The following ATRNL1 variants were observed in gnomAD, a reference collection of about 807,000 sequenced individuals.
ATRNL1 encodes attractin like 1.
ATRNL1 carries 95 observed loss-of-function variants against 182.7 expected under a neutral mutation model. The ratio of observed to expected loss-of-function variants is 0.52; its 90% CI spans 0.44 to 0.62. The LOEUF is 0.62. Ranked by LOEUF, ATRNL1 falls within the 20% of genes least tolerant of loss-of-function variation. ATRNL1 has a pLI of 0.00. For missense variants in ATRNL1, 1,471 were observed against 1,679.5 expected (o/e 0.88, Z 2.17); for synonymous variants, 576 against 568.3 (o/e 1.01, Z -0.19).
chr10:115,233,435 C>T (rs550498305), intron 9 of ATRNL1, among the ~76,000 whole-genome samples: 7 of 152,058 alleles, frequency 4.6e-5, no homozygotes, highest in Middle Eastern at 3.4e-3. Flanking sequence ...ACTTTTTTAG[C>T]GTTTTTTAAA....
chr10:115,329,651 T>G (rs537538333), intron 18 of ATRNL1, among the ~76,000 whole-genome samples: 5 of 152,306 alleles, frequency 3.3e-5, no homozygotes, highest in African/African-American at 9.6e-5. Flanking sequence ...TATCTCTTTT[T>G]ATAGTTTTTG....
chr10:115,503,029 G>A (rs940433170), intron 24 of ATRNL1, among the ~76,000 whole-genome samples: 14 of 151,968 alleles, frequency 9.2e-5, no homozygotes, highest in African/African-American at 2.2e-4. Flanking sequence ...ATCTTTTACC[G>A]GGCCTGAAGA....
At chr10:115,648,956 T>C (rs530134132) in intron 26 of ATRNL1, among the ~76,000 whole-genome samples, 1 of 152,258 alleles carries the variant, frequency 6.6e-6, no homozygotes, top group African/African-American at 2.4e-5. Flanking sequence ...TGTTCACCTC[T>C]AGCCTCTGTA....
At chr10:115,820,837 C>T (rs1440823478) in intron 27 of ATRNL1, among the ~76,000 whole-genome samples, 1 of 152,066 alleles carries the variant, frequency 6.6e-6, no homozygotes, top group African/African-American at 2.4e-5. Context: ...TGGTTTGGCT[C>T]CGTGTCCCCA....
intron 13 of ATRNL1, among the ~76,000 whole-genome samples, chr10:115,273,232 A>C (rs1029440633): frequency 3.7e-4 from 56 of 152,148 alleles, no homozygotes; most frequent in African/African-American, 1.3e-3. Context: ...CACCATGGCC[A>C]CTTTGTCCAT....
Position 115,121,735 on chromosome 10 carries a change from T to C in ATRNL1, c.414T>C (p.Phe138=). 6.4e-7 allele frequency: 1 copy of C among 1,563,458 alleles called. No individual in the cohort carries two copies. Among genetic ancestry groups the C allele is most frequent in the Non-Finnish European group, 8.7e-7 (1 of 1,152,458 alleles). Reference sequence around the variant, plus strand: ...TGTTAAGATTAAGATTCAATCATTTTGCTACAGAATGTAGCTGGGATCATA... The same window carrying C: ...TGTTAAGATTAAGATTCAATCATTTCGCTACAGAATGTAGCTGGGATCATA... ...NAVLRLRFNH[F]ATECSWDHMY... The change falls in exon 3 of 29, where the codon TTT becomes TTC. Residue 138 remains phenylalanine, a synonymous_variant. Coordinates refer to ENST00000355044, the MANE Select transcript of ATRNL1 (RefSeq NM_207303.4).
chr10:115,834,922 G>A (rs781881833), intron 27 of ATRNL1, among the ~76,000 whole-genome samples: 7 of 152,076 alleles, frequency 4.6e-5, no homozygotes, highest in Non-Finnish European at 1.0e-4. Flanking sequence ...TTCATGTTCT[G>A]GATTCAAAAA....
intron 27 of ATRNL1, among the ~76,000 whole-genome samples, chr10:115,750,374 G>T (rs1329873416): frequency 6.6e-6 from 1 of 151,850 alleles, no homozygotes; most frequent in Non-Finnish European, 1.5e-5. Flanking sequence ...GTAGGAAAAA[G>T]ATGGGCTTCT....
chr10:115,578,636 T>G (rs1292417608), intron 26 of ATRNL1, among the ~76,000 whole-genome samples: 1 of 151,616 alleles, frequency 6.6e-6, no homozygotes, highest in Non-Finnish European at 1.5e-5. Context: ...TCTCTCTTTC[T>G]TCTTCTAGCT....
At chr10:115,267,026 G>A (rs183997040) in intron 12 of ATRNL1, 21 bp downstream of exon 12, 373 of 1,546,070 alleles carry the variant, frequency 2.4e-4, no homozygotes, top group African/African-American at 1.9e-3. Context: ...TTTTCTTTTC[G>A]TCTTTGTGGC....
intron 8 of ATRNL1, among the ~76,000 whole-genome samples, chr10:115,188,078 G>T (rs562194440): frequency 6.7e-6 from 1 of 149,346 alleles, no homozygotes; most frequent in Non-Finnish European, 1.5e-5. Flanking sequence ...AGGGAGAAAG[G>T]GGGAGGGAGA....
rs77661327 is a variant in ATRNL1 at position 115,538,620 on chromosome 10, C to T, written c.3717-10838C>T. On this transcript the variant is annotated intron_variant, in intron 25 of 28. Transcript: ENST00000355044. ...CAACTCTTTTGCCAGATGTGATTTG[C>T]AAATATTTTCCCTCAGTCTTTGAAT... 4.8e-3 allele frequency among the ~76,000 whole-genome samples: 736 copies of T among 152,182 alleles called. 8 individuals are homozygous for T. Among genetic ancestry groups the T allele is most frequent in the Middle Eastern group, 0.024 (7 of 294 alleles).
chr10:115,277,792 A>G (rs1295308646), intron 13 of ATRNL1, among the ~76,000 whole-genome samples: 5 of 152,120 alleles, frequency 3.3e-5, no homozygotes, highest in African/African-American at 1.2e-4. Context: ...TATATTGTCT[A>G]CTTTTTTTCT....
intron 9 of ATRNL1, among the ~76,000 whole-genome samples, chr10:115,239,547 T>G (rs1247153628): frequency 6.6e-6 from 1 of 152,104 alleles, no homozygotes; most frequent in Non-Finnish European, 1.5e-5. Context: ...GTATTTTTTC[T>G]TAGCCTACCT....
intron 25 of ATRNL1, among the ~76,000 whole-genome samples, chr10:115,542,952 G>T (rs1345457879): frequency 6.6e-6 from 1 of 152,112 alleles, no homozygotes; most frequent in Non-Finnish European, 1.5e-5. Flanking sequence ...TATCAGATCA[G>T]AATCCCATGT....
At position 115,158,052 on chromosome 10, in the gene ATRNL1, GTTA is replaced by G. The variant is rs10666056; in HGVS notation, c.830-1983_830-1981del. On this transcript the variant is annotated intron_variant, in intron 5 of 28. Coordinates refer to ENST00000355044, the MANE Select transcript of ATRNL1 (RefSeq NM_207303.4). The stretch of plus-strand genomic sequence containing the variant: ...GAAATAATTTTAAAGTTTTAGAAAA[GTTA>G]TTATACAAGAATAAGAATAGTACAA... Among the ~76,000 whole-genome samples, 1,085 of 151,972 alleles carry G rather than the reference GTTA, an allele frequency of 7.1e-3. 10 individuals carry two copies. Among genetic ancestry groups the G allele is most frequent in the African/African-American group, 0.025 (1,051 of 41,472 alleles).
intron 25 of ATRNL1, among the ~76,000 whole-genome samples, chr10:115,543,671 A>G (rs1554992746): frequency 3.3e-5 from 5 of 152,296 alleles, no homozygotes; most frequent in Admixed American, 2.6e-4. Flanking sequence ...AGCAACCTGC[A>G]TTACAATGTA....
chr10:115,931,113 A>G (rs554287949), intron 28 of ATRNL1, among the ~76,000 whole-genome samples: 1 of 152,212 alleles, frequency 6.6e-6, no homozygotes, highest in Non-Finnish European at 1.5e-5. Flanking sequence ...CAGGTTGATT[A>G]TAAGCCATAT....
chr10:115,600,298 A>C (rs1555015494), intron 26 of ATRNL1, among the ~76,000 whole-genome samples: 1 of 152,168 alleles, frequency 6.6e-6, no homozygotes, highest in Non-Finnish European at 1.5e-5. Context: ...TTTACTGTAA[A>C]TATGTTTGAT....
Sources: gnomAD v4.1 joint callset for allele counts (sites outside exome capture counted in the v4.1 genomes callset) on GRCh38, gnomAD v4.1.1 for gene constraint, MANE v1.5 for transcripts, NCBI Gene and HGNC (gene_info 2026-07-23, HGNC 2026-07-21) for gene names.